PRKCA: variants seen among roughly 807,000 people sequenced by gnomAD.
PRKCA encodes the protein protein kinase C alpha.
PRKCA carries 27 observed loss-of-function variants against 87.0 expected under a neutral mutation model. The observed-to-expected ratio is 0.31, with a 90% CI of 0.23 to 0.43. The LOEUF is 0.43. Ranked by LOEUF, PRKCA falls within the 20% of genes least tolerant of loss-of-function variation. The pLI is 1.00. For missense variants in PRKCA, 518 were observed against 852.3 expected, an observed-to-expected ratio of 0.61 and a Z score of 4.88; for synonymous variants, 329 against 311.1, an observed-to-expected ratio of 1.06 and a Z score of -0.61.
chr17:66,481,291 A>G (rs1915764432), intron 2 of PRKCA, among the ~76,000 whole-genome samples: 1 of 152,100 alleles, frequency 6.6e-6, no homozygotes, highest in African/African-American at 2.4e-5. Context: ...CCAGCACCAT[A>G]TCTGGGATGT....
chr17:66,394,704 C>T (rs1181726559), intron 2 of PRKCA, among the ~76,000 whole-genome samples: 1 of 152,174 alleles, frequency 6.6e-6, no homozygotes, highest in Non-Finnish European at 1.5e-5. Flanking sequence ...AAGGGAGAGA[C>T]ATAGTGGAGG....
intron 2 of PRKCA, among the ~76,000 whole-genome samples, chr17:66,470,520 G>A (rs960638605): frequency 3.3e-5 from 5 of 151,940 alleles, no homozygotes; most frequent in Non-Finnish European, 7.4e-5. Flanking sequence ...GAGTCACCGC[G>A]CCCGGCCCCA....
chr17:66,556,016 T>C (rs1461573747), intron 3 of PRKCA, among the ~76,000 whole-genome samples: 2 of 152,052 alleles, frequency 1.3e-5, no homozygotes, highest in Non-Finnish European at 2.9e-5. Context: ...AGAAAGATGC[T>C]CTGTGAAAAG....
intron 2 of PRKCA, among the ~76,000 whole-genome samples, chr17:66,437,059 G>A (rs1386809202): frequency 6.6e-6 from 1 of 152,190 alleles, no homozygotes; most frequent in African/African-American, 2.4e-5. Context: ...AGGCAGCAGA[G>A]CAAACGAAGC....
chr17:66,361,558 G>A (rs1168840378), intron 2 of PRKCA, among the ~76,000 whole-genome samples: 1 of 151,998 alleles, frequency 6.6e-6, no homozygotes, highest in Non-Finnish European at 1.5e-5. Context: ...TGATCCATCC[G>A]CCTCGGCCTC....
intron 2 of PRKCA, among the ~76,000 whole-genome samples, chr17:66,473,616 C>T (rs1043434405): frequency 5.3e-5 from 8 of 152,146 alleles, no homozygotes; most frequent in Non-Finnish European, 7.3e-5. Context: ...GCAGTAGCTA[C>T]TATTAAGGAG....
chr17:66,501,227 T>G (rs972874424), intron 3 of PRKCA, among the ~76,000 whole-genome samples: 1 of 152,308 alleles, frequency 6.6e-6, no homozygotes, highest in East Asian at 1.9e-4. Flanking sequence ...GAGATGCTCT[T>G]CAAGACTCAA....
chr17:66,402,633 G>A (rs1911102934), intron 2 of PRKCA, among the ~76,000 whole-genome samples: 1 of 152,024 alleles, frequency 6.6e-6, no homozygotes, highest in Non-Finnish European at 1.5e-5. Flanking sequence ...AGAAACTGAG[G>A]TACAAGGATG....
chr17:66,715,762 A>G (rs1973457753), intron 8 of PRKCA, among the ~76,000 whole-genome samples: 1 of 152,116 alleles, frequency 6.6e-6, no homozygotes, highest in African/African-American at 2.4e-5. Context: ...CGTAGATACA[A>G]TTTTGTGTCT....
chr17:66,388,317 G>A (rs4584858), intron 2 of PRKCA, among the ~76,000 whole-genome samples: 120,131 of 151,530 alleles, frequency 0.79, 48,078 homozygotes, highest in South Asian at 0.87. Flanking sequence ...TCTTTGGGAC[G>A]GAGTTTTGCT....
At chr17:66,770,113 G>A (rs574093076) in intron 13 of PRKCA, among the ~76,000 whole-genome samples, 1 of 152,354 alleles carries the variant, frequency 6.6e-6, no homozygotes, top group South Asian at 2.1e-4. Flanking sequence ...CTGCCGTTCA[G>A]ATGCAGGAAA....
At chr17:66,603,105 C>A (rs1190864601) in intron 3 of PRKCA, among the ~76,000 whole-genome samples, 5 of 152,192 alleles carry the variant, frequency 3.3e-5, no homozygotes, top group Non-Finnish European at 2.9e-5. Context: ...TACAGCACTA[C>A]CATCCAGCGT....
At chr17:66,781,301 TC>T (rs1022199476) in intron 14 of PRKCA, among the ~76,000 whole-genome samples, 2 of 151,872 alleles carry the variant, frequency 1.3e-5, no homozygotes, top group African/African-American at 4.8e-5. Flanking sequence ...AGGGGAGGTG[TC>T]CAGGGTGGGG....
In PRKCA at chr17:66,562,102, TAAA is replaced by T. The variant is rs1968708279; in HGVS notation, c.288+65820_288+65822del. ...ATATATATAATTAAATATATATAAT[TAAA>T]TTATATATATAATTAAATATATATA... On this transcript the variant is annotated intron_variant, in intron 3 of 16. Transcript: ENST00000413366. Among the ~76,000 whole-genome samples, 6 of 112,936 alleles carry T rather than the reference TAAA, an allele frequency of 5.3e-5. No individual in the cohort carries two copies. In the East Asian group the frequency reaches 9.2e-4, roughly 17 times the overall value. The allele number at this position is 112,936 out of a possible 152,430, so 74.1% of individuals were successfully genotyped here.
chr17:66,574,798 CTA>C (rs1969185191), intron 3 of PRKCA, among the ~76,000 whole-genome samples: 1 of 151,536 alleles, frequency 6.6e-6, no homozygotes, highest in African/African-American at 2.4e-5. Flanking sequence ...CCAACCTGTA[CTA>C]TGTTTCTTAT....
At chr17:66,481,758 T>G (rs563029637) in intron 2 of PRKCA, among the ~76,000 whole-genome samples, 1 of 152,196 alleles carries the variant, frequency 6.6e-6, no homozygotes, top group Non-Finnish European at 1.5e-5. Flanking sequence ...AGGAGCTTCA[T>G]GCGTGTCTGT....
At chr17:66,709,103 T>C (rs1775364078) in intron 8 of PRKCA, among the ~76,000 whole-genome samples, 1 of 152,160 alleles carries the variant, frequency 6.6e-6, no homozygotes, top group African/African-American at 2.4e-5. Flanking sequence ...TGATCTCCTC[T>C]GTTCAGGTTC....
chr17:66,612,626 C>G (rs545206199), intron 3 of PRKCA, among the ~76,000 whole-genome samples: 1 of 151,832 alleles, frequency 6.6e-6, no homozygotes, highest in South Asian at 2.1e-4. Context: ...GTGGAGATAA[C>G]TGATTTACAT....
chr17:66,469,168 G>T (rs1321193831), intron 2 of PRKCA, among the ~76,000 whole-genome samples: 1 of 152,108 alleles, frequency 6.6e-6, no homozygotes, highest in African/African-American at 2.4e-5. Context: ...GAACACTGGG[G>T]CACCCTCCTC....
Sources: allele counts gnomAD v4.1 joint callset (sites outside exome capture counted in the v4.1 genomes callset), GRCh38; gene constraint gnomAD v4.1.1; transcripts MANE v1.5; gene names NCBI Gene and HGNC (gene_info 2026-07-23, HGNC 2026-07-21).